The following XPO1 variants were observed in gnomAD, a reference collection of about 807,000 sequenced individuals.
The protein encoded by XPO1 is exportin-1.
A neutral mutation model predicts 133.3 loss-of-function variants in XPO1; 5 were observed. The ratio of observed to expected loss-of-function variants is 0.04; its 90% CI spans 0.02 to 0.08. XPO1 has a LOEUF of 0.08. XPO1 is among the 10% of genes least tolerant of loss of function. The pLI is 1.00. For missense variants in XPO1, 506 were observed against 1,267.5 expected (o/e 0.40, Z 9.12); for synonymous variants, 419 against 408.2 (o/e 1.03, Z -0.32).
At chr2:61,490,813 T>G in intron 16 of XPO1, 37 bp from the exon 17 acceptor site, 1 of 1,600,156 alleles carries the variant, frequency 6.2e-7, no homozygotes, top group Non-Finnish European at 8.5e-7. Context: ...GTTTATGTTA[T>G]ACACCCTAAT....
chr2:61,495,638 A>G (rs764356030), intron 10 of XPO1, 25 bp from the exon 11 acceptor site: 2 of 1,530,778 alleles, frequency 1.3e-6, no homozygotes, highest in Non-Finnish European at 1.8e-6. Flanking sequence ...AGGGACGATC[A>G]GTTCGCATTT....
intron 4 of XPO1, among the ~76,000 whole-genome samples, chr2:61,519,566 G>A (rs1441023335): frequency 6.6e-6 from 1 of 150,776 alleles, no homozygotes; most frequent in East Asian, 2.0e-4. Flanking sequence ...GGGTGTGGTG[G>A]CGGGTGCCTG....
At chr2:61,533,959 A>G in intron 1 of XPO1, 56 bp from the exon 2 acceptor site, 2 of 1,370,138 alleles carry the variant, frequency 1.5e-6, no homozygotes, top group Non-Finnish European at 1.9e-6. Flanking sequence ...ATTATCAAAA[A>G]CTTCCTACAA....
intron 4 of XPO1, among the ~76,000 whole-genome samples, chr2:61,509,392 C>G (rs1490840057): frequency 6.6e-6 from 1 of 152,118 alleles, no homozygotes; most frequent in Non-Finnish European, 1.5e-5. Flanking sequence ...AATCCCAACA[C>G]AAGGCGGGCG....
chr2:61,497,041 A>G (rs772394401), intron 9 of XPO1, 34 bp from the exon 10 acceptor site: 3 of 1,590,502 alleles, frequency 1.9e-6, no homozygotes, highest in East Asian at 2.3e-5. Flanking sequence ...CATAAAATTA[A>G]TTGGCCTGAT....
chr2:61,514,165 C>A (rs2104651067), intron 4 of XPO1, among the ~76,000 whole-genome samples: 1 of 146,554 alleles, frequency 6.8e-6, no homozygotes, highest in African/African-American at 2.5e-5. Flanking sequence ...CCAGCTGGGG[C>A]AATAGAGCCA....
intron 1 of XPO1, chr2:61,536,456 A>C (rs562825095): frequency 9.4e-4 from 143 of 152,398 alleles, no homozygotes; most frequent in African/African-American, 3.2e-3. Flanking sequence ...AGCTTAATGG[A>C]TAATGTGACT....
chr2:61,538,473 C>A (rs920484158), upstream of XPO1: 2 of 153,074 alleles, frequency 1.3e-5, no homozygotes, highest in African/African-American at 4.8e-5. Context: ...CCACACGAGC[C>A]CGCCGCTTCG....
rs748249077 is a variant in XPO1, at chr2:61,492,502, TATTA to T, written c.1567-25_1567-22del. On this transcript the variant is annotated intron_variant, in intron 14 of 24. Coordinates refer to ENST00000401558, the MANE Select transcript of XPO1 (RefSeq NM_003400.4). This position sits in a 1 kb window ranked among gnomAD's most constrained non-coding sequence, Gnocchi z 5.6. ...AGATCCTGTAAATAAGACAAATTTGTATTATTTATTGTAACAACATAATACTTAT... is the reference window on the plus strand; with the variant it reads ...AGATCCTGTAAATAAGACAAATTTGTTTTATTGTAACAACATAATACTTAT... The T allele has an allele frequency of 1.3e-6, 2 of 1,588,828 alleles. No homozygotes were observed. Among genetic ancestry groups the T allele is most frequent in the South Asian group, 2.3e-5 (2 of 86,184 alleles).
intron 18 of XPO1, 128 bp from the exon 19 acceptor site, chr2:61,488,399 G>A: frequency 8.4e-7 from 1 of 1,194,258 alleles, no homozygotes; most frequent in East Asian, 2.4e-5. Context: ...AAAATTTATT[G>A]GGAAAATAAG....
intron 2 of XPO1, among the ~76,000 whole-genome samples, chr2:61,529,815 T>A (rs1699075455): frequency 6.6e-6 from 1 of 152,182 alleles, no homozygotes; most frequent in Admixed American, 6.5e-5. Context: ...ACACACTCAA[T>A]AACTTATATG....
intron 4 of XPO1, among the ~76,000 whole-genome samples, chr2:61,516,420 G>A (rs948054046): frequency 1.1e-4 from 16 of 151,980 alleles, no homozygotes; most frequent in Non-Finnish European, 2.1e-4. Context: ...AGCCAAGTGT[G>A]GGTTTTTTTT....
chr2:61,486,256 C>T (rs1478385326), intron 19 of XPO1, among the ~76,000 whole-genome samples: 1 of 152,034 alleles, frequency 6.6e-6, no homozygotes, highest in Non-Finnish European at 1.5e-5. Flanking sequence ...TCACTGCAAC[C>T]TCCACCTCCC....
intron 2 of XPO1, among the ~76,000 whole-genome samples, chr2:61,528,667 AAT>A (rs1170487819): frequency 5.4e-5 from 8 of 148,654 alleles, no homozygotes; most frequent in Non-Finnish European, 1.0e-4. Context: ...AAAAAAAAAA[AAT>A]CTTTCCTGCA....
chr2:61,525,080 A>T (rs1698859114), intron 3 of XPO1, among the ~76,000 whole-genome samples: 1 of 152,152 alleles, frequency 6.6e-6, no homozygotes, highest in South Asian at 2.1e-4. Context: ...AGTTATGAAG[A>T]TGAGGGACAG....
At chr2:61,486,983 G>C (rs1409783972) in intron 19 of XPO1, among the ~76,000 whole-genome samples, 3 of 150,606 alleles carry the variant, frequency 2.0e-5, no homozygotes, top group African/African-American at 2.5e-5. Flanking sequence ...GTAACTTCTT[G>C]TTCTTTTTTT....
At chr2:61,508,661 C>CA (rs1697941105) in intron 4 of XPO1, among the ~76,000 whole-genome samples, 1 of 152,164 alleles carries the variant, frequency 6.6e-6, no homozygotes, top group Admixed American at 6.5e-5. Context: ...AAAAAGCACG[C>CA]ATTATTGAAC....
chr2:61,516,444 C>T (rs1234853650), intron 4 of XPO1, among the ~76,000 whole-genome samples: 3 of 151,552 alleles, frequency 2.0e-5, no homozygotes, highest in African/African-American at 4.8e-5. Context: ...GACTGAGTTT[C>T]GCTCTTGGTG....
chr2:61,525,521 T>C (rs777370213), intron 3 of XPO1: 2 of 1,011,278 alleles, frequency 2.0e-6, no homozygotes, highest in Non-Finnish European at 2.4e-6. Flanking sequence ...CCTCTAATCA[T>C]CTCATTTTTC....
Sources: gnomAD v4.1 joint callset for allele counts (sites outside exome capture counted in the v4.1 genomes callset) on GRCh38, gnomAD v4.1.1 for gene constraint, Gnocchi (gnomAD v3.1) non-coding constraint, MANE v1.5 for transcripts, NCBI Gene and HGNC (gene_info 2026-07-23, HGNC 2026-07-21) for gene names.